The following CFAP58 variants were observed in gnomAD, a reference collection of about 807,000 sequenced individuals.
The protein encoded by CFAP58 is cilia and flagella associated protein 58.
CFAP58 carries 88 observed loss-of-function variants against 119.5 expected under a neutral mutation model. The ratio of observed to expected loss-of-function variants is 0.74; its 90% CI spans 0.62 to 0.88. CFAP58 has a LOEUF of 0.88. Among genes scored for constraint, CFAP58 ranks in the 40% least tolerant of loss-of-function variants. The pLI, the probability that CFAP58 is intolerant of heterozygous loss-of-function variation, is 0.00. For synonymous variants in CFAP58, 365 were observed against 366.3 expected (o/e 1.00, Z 0.04); for missense variants, 990 against 1,021.2 (o/e 0.97, Z 0.42).
At chr10:104,367,159 G>A (rs1017218138) in intron 5 of CFAP58, among the ~76,000 whole-genome samples, 1 of 152,018 alleles carries the variant, frequency 6.6e-6, no homozygotes, top group Non-Finnish European at 1.5e-5. Flanking sequence ...GCACCCAGCC[G>A]ACAGGTTTAT....
chr10:104,372,501 C>T (rs575699770), intron 7 of CFAP58, among the ~76,000 whole-genome samples: 39 of 152,262 alleles, frequency 2.6e-4, no homozygotes, highest in African/African-American at 8.4e-4. Context: ...TTCATGCATT[C>T]AGTAAATCAA....
At chr10:104,369,076 A>G (rs540448333) in intron 6 of CFAP58, among the ~76,000 whole-genome samples, 1 of 152,298 alleles carries the variant, frequency 6.6e-6, no homozygotes, top group South Asian at 2.1e-4. Flanking sequence ...AAATTCTTCA[A>G]TTTAGATAGT....
chr10:104,377,341 G>C (rs1221942403), intron 8 of CFAP58, among the ~76,000 whole-genome samples: 1 of 152,134 alleles, frequency 6.6e-6, no homozygotes, highest in Non-Finnish European at 1.5e-5. Flanking sequence ...ATCTTTTCAG[G>C]GTTGCTGTAG....
chr10:104,427,312 G>T (rs2133074742), intron 15 of CFAP58, among the ~76,000 whole-genome samples: 1 of 152,244 alleles, frequency 6.6e-6, no homozygotes, highest in Non-Finnish European at 1.5e-5. Flanking sequence ...CAAGAATGTG[G>T]ATTCAAAATA....
At chr10:104,389,704 G>A (rs2011995244) in intron 9 of CFAP58, among the ~76,000 whole-genome samples, 1 of 152,106 alleles carries the variant, frequency 6.6e-6, no homozygotes, top group African/African-American at 2.4e-5. Context: ...TTTCTATCAT[G>A]CGTGCTTTTA....
chr10:104,340,978 G>A, the CFAP58 span, among the ~76,000 whole-genome samples: 1 of 152,140 alleles, frequency 6.6e-6, no homozygotes, highest in Admixed American at 6.5e-5. Flanking sequence ...ATTTTAAAAT[G>A]TCTTCTATAG....
At chr10:104,412,824 A>G (rs915835547) in intron 15 of CFAP58, among the ~76,000 whole-genome samples, 2 of 152,136 alleles carry the variant, frequency 1.3e-5, no homozygotes, top group African/African-American at 2.4e-5. Context: ...TACTGGGCAC[A>G]CAGATGCTCA....
intron 9 of CFAP58, among the ~76,000 whole-genome samples, chr10:104,385,700 A>G (rs764934192): frequency 1.3e-5 from 2 of 152,056 alleles, no homozygotes; most frequent in Non-Finnish European, 2.9e-5. Context: ...GAGAATAGAA[A>G]CCAGCCTACA....
chr10:104,429,951 C>T (rs1450836150), intron 15 of CFAP58, among the ~76,000 whole-genome samples: 2 of 152,034 alleles, frequency 1.3e-5, no homozygotes, highest in Non-Finnish European at 2.9e-5. Flanking sequence ...CCTCCTCCCA[C>T]TCGGGGAGGG....
Position 104,400,711 on chromosome 10 carries a change from A to C in CFAP58, c.1847A>C (p.Gln616Pro). Residue 616 changes from glutamine to proline, a missense_variant, in exon 13 of 18, where the codon CAG becomes CCG. Gln to Pro is a moderately conservative substitution (Grantham distance 76). Coordinates refer to ENST00000369704, the MANE Select transcript of CFAP58 (RefSeq NM_001008723.2). ...VISERDILGS[Q>P]LVRRNDELAL... ...AGTGAGAGAGATATCCTGGGGTCTC[A>C]GCTTGTTCGGCGCAATGATGAGTTA... The C allele has an allele frequency of 1.9e-6, 3 of 1,614,090 alleles. No individual in the cohort carries two copies. The highest frequency in any genetic ancestry group is 2.5e-6 in the Non-Finnish European group (3 of 1,180,036).
Position 104,435,047 on chromosome 10 carries a change from G to C in CFAP58, c.2257-12651G>C, listed in dbSNP as rs149962410. 3.2e-3 allele frequency among the ~76,000 whole-genome samples: 485 copies of C among 152,342 alleles called. 1 individual carries two copies. The highest frequency in any genetic ancestry group is 0.011 in the African/African-American group (468 of 41,582). ...TATAATAGTTGGTTAGTAAATGGTAGCTGGTGACTATGAGAACAACCACGA... is the reference window on the plus strand; with the variant it reads ...TATAATAGTTGGTTAGTAAATGGTACCTGGTGACTATGAGAACAACCACGA... On this transcript the variant is annotated intron_variant, in intron 15 of 17. Transcript: ENST00000369704.
rs79690988 is a variant in CFAP58, at chr10:104,399,883, C to T, written c.1815+383C>T. 0.013 allele frequency among the ~76,000 whole-genome samples: 1,967 copies of T among 152,076 alleles called. 73 individuals are homozygous for T. The East Asian group carries it at 0.14, about 11-fold the overall frequency. On this transcript the variant is annotated intron_variant, in intron 12 of 17. Transcript: ENST00000369704. ...CCTCCCTCAAACCTTATCACGATGT[C>T]GGCACATTACCCATCCAACATGAAA...
intron 15 of CFAP58, among the ~76,000 whole-genome samples, chr10:104,431,779 T>C (rs2012851766): frequency 6.6e-6 from 1 of 152,210 alleles, no homozygotes; most frequent in South Asian, 2.1e-4. Context: ...AATAGATGCG[T>C]TTACAATGTG....
rs759559867 is a variant in CFAP58, at chr10:104,358,430, C to T, written c.99C>T (p.Asp33=). Residue 33 remains aspartate (D), a synonymous_variant, in exon 2 of 18, where the codon GAC becomes GAT. Transcript: ENST00000369704. ...FQGVLHELSG[D]KSLEKFRIEY... is the part of the protein sequence containing the mutation. ...GAGTTCTCCATGAACTTTCTGGAGA[C>T]AAAAGTTTGGAAAAATTTCGGATTG... 20 of 1,613,780 alleles carry T rather than the reference C, an allele frequency of 1.2e-5. No individual in the cohort carries two copies. The East Asian group carries it at 2.2e-4, about 18-fold the overall frequency.
rs773817236 is a variant in CFAP58, at chr10:104,362,021, A to T, written c.292-2A>T. The T allele has an allele frequency of 1.2e-6, 2 of 1,612,830 alleles. No homozygotes were observed. The highest frequency in any genetic ancestry group is 1.7e-6 in the Non-Finnish European group (2 of 1,179,504). Reference sequence around the variant, plus strand: ...CTCACTGATATCCTATGGCCCATCTAGGAAATTGAAAAGGCCTGGAAGATG... The same window carrying T: ...CTCACTGATATCCTATGGCCCATCTTGGAAATTGAAAAGGCCTGGAAGATG... On this transcript the variant is annotated splice_acceptor_variant, in intron 2 of 17. Transcript: ENST00000369704. LOFTEE classifies it high-confidence loss of function.
At chr10:104,447,495 G>A (rs1298586550) in intron 15 of CFAP58, among the ~76,000 whole-genome samples, 3 of 152,064 alleles carry the variant, frequency 2.0e-5, no homozygotes, top group Non-Finnish European at 4.4e-5. Flanking sequence ...CTTATTACTT[G>A]TATCCAAATG....
At chr10:104,376,436 C>T (rs960094571) in intron 7 of CFAP58, among the ~76,000 whole-genome samples, 9 of 138,358 alleles carry the variant, frequency 6.5e-5, no homozygotes, top group African/African-American at 1.4e-4. Flanking sequence ...ACCTGGGAGG[C>T]GGAGGTTGTA....
In CFAP58 at chr10:104,374,453, GAAAAAAAAAAA is replaced by G. The variant is rs71022730; in HGVS notation, c.1091-2339_1091-2329del. On this transcript the variant is annotated intron_variant, in intron 7 of 17. Transcript: ENST00000369704. ...GTGACAGAGCGAGACCTTGTTTCAG[GAAAAAAAAAAA>G]AAAAAAAAAAAAAAAAAATCCAGAA... is the stretch of plus-strand genomic sequence containing the variant. 1.7e-3 allele frequency among the ~76,000 whole-genome samples: 52 copies of G among 30,724 alleles called. 2 individuals are homozygous for G. Among genetic ancestry groups the G allele is most frequent in the Admixed American group, 0.012 (27 of 2,192 alleles). The allele number at this position is 30,724 out of a possible 152,430, so 20.2% of individuals were successfully genotyped here.
chr10:104,395,163 A>C (rs1350456522), intron 11 of CFAP58, among the ~76,000 whole-genome samples: 1 of 143,322 alleles, frequency 7.0e-6, no homozygotes, highest in Non-Finnish European at 1.5e-5. Flanking sequence ...CTAATTCCTC[A>C]GAGTTTGACT....
Sources: allele counts gnomAD v4.1 joint callset (sites outside exome capture counted in the v4.1 genomes callset), GRCh38; gene constraint gnomAD v4.1.1; transcripts MANE v1.5; gene names NCBI Gene and HGNC (gene_info 2026-07-23, HGNC 2026-07-21).